PDGFB: variants seen among roughly 807,000 people sequenced by gnomAD.
PDGFB encodes the protein platelet-derived growth factor subunit B.
In PDGFB, 6 loss-of-function variants were observed where a neutral mutation model predicts 29.0. The observed-to-expected ratio is 0.21, with a 90% CI of 0.11 to 0.41. PDGFB has a LOEUF of 0.41. PDGFB is among the 10% of genes least tolerant of loss of function. PDGFB has a pLI of 1.00. For missense variants in PDGFB, 299 were observed against 341.8 expected (o/e 0.87, Z 0.99); for synonymous variants, 144 against 140.8 (o/e 1.02, Z -0.16).
At chr22:39,229,215 C>T (rs889667520) in intron 5 of PDGFB, among the ~76,000 whole-genome samples, 4 of 151,926 alleles carry the variant, frequency 2.6e-5, no homozygotes, top group African/African-American at 7.3e-5. Flanking sequence ...GAGGCAGGGT[C>T]TTGCTCTGTT....
chr22:39,224,431 T>C lies in PDGFB; in HGVS notation c.*911A>G, dbSNP rs942701938. The C allele has an allele frequency of 5.9e-5, 9 of 152,760 alleles. No homozygotes were observed. Among genetic ancestry groups the C allele is most frequent in the African/African-American group, 2.2e-4 (9 of 41,556 alleles). 9.5% of individuals were successfully genotyped at this position (152,760 alleles called of 1,614,324 possible). ...TCCCTTGCTGCCCTGGCCTCTAGTC[T>C]TCTGCCCTAGAGAGGAGTGACTGGG... On this transcript the variant is annotated 3_prime_UTR_variant, in exon 7 of 7. Transcript: ENST00000331163.
At chr22:39,230,428 C>A in intron 4 of PDGFB, among the ~76,000 whole-genome samples, 200 bp from the exon 5 acceptor site, 1 of 152,240 alleles carries the variant, frequency 6.6e-6, no homozygotes, top group African/African-American at 2.4e-5. Context: ...GCTTTTCCAT[C>A]AAAACAAGCC....
In PDGFB at chr22:39,230,086, C is replaced by G. The variant is rs748590340; in HGVS notation, c.599G>C (p.Arg200Pro). Residue 200 changes from arginine to proline, a missense_variant and splice_region_variant, in exon 5 of 7, where the codon CGA (arginine) becomes CCA (proline). By Grantham distance (103) the Arg-to-Pro change is moderately radical. Coordinates refer to ENST00000331163, the MANE Select transcript of PDGFB (RefSeq NM_002608.4). ...TRSPGGSQEQ[R>P]AKTPQTRVTI... is the part of the protein sequence containing the mutation. ...GCTGAGCCTGGAAAGGTGGTTACCT[C>G]GCTGCTCCTGGGAACCCCCCGGGCT... is the stretch of plus-strand genomic sequence containing the variant. 1 of 1,613,558 alleles carries G rather than the reference C, an allele frequency of 6.2e-7. No homozygotes were observed. The highest frequency in any genetic ancestry group is 1.3e-5 in the African/African-American group (1 of 75,042).
intron 5 of PDGFB, among the ~76,000 whole-genome samples, chr22:39,227,529 C>T (rs1163903659): frequency 6.6e-6 from 1 of 152,216 alleles, no homozygotes; most frequent in Non-Finnish European, 1.5e-5. Flanking sequence ...CATTTCCCTT[C>T]ACGGCAGGTG....
At chr22:39,236,600 C>G (rs1195916170) in intron 1 of PDGFB, among the ~76,000 whole-genome samples, 1 of 152,222 alleles carries the variant, frequency 6.6e-6, no homozygotes, top group Non-Finnish European at 1.5e-5. Context: ...AACACTTCAA[C>G]AGGCCTCATT....
chr22:39,231,134 C>T lies in PDGFB; in HGVS notation c.456+488G>A, dbSNP rs1206829589. 6.6e-6 allele frequency among the ~76,000 whole-genome samples: 1 copy of T among 152,210 alleles called. No individual in the cohort carries two copies. The highest frequency in any genetic ancestry group is 2.4e-5 in the African/African-American group (1 of 41,450). On this transcript the variant is annotated intron_variant, in intron 4 of 6. Coordinates refer to ENST00000331163, the MANE Select transcript of PDGFB (RefSeq NM_002608.4). This position sits in a 1 kb window ranked among gnomAD's most constrained non-coding sequence, Gnocchi z 4.3. ...CTCTGCACTCTCTTTATTAAAGACA[C>T]AGCTTGTCAAAGAGAGACAAGCAGG... is the stretch of plus-strand genomic sequence containing the variant.
chr22:39,243,258 C>CTCTCCG lies in PDGFB; in HGVS notation c.63+642_63+643insCGGAGA, dbSNP rs781597381. ...TCTCTCCGTCTCTCTCTCCGTCTCT[C>CTCTCCG]TCTCTCTCTCTCTCTTTCTCTCTCT... On this transcript the variant is annotated intron_variant, in intron 1 of 6. Coordinates refer to ENST00000331163, the MANE Select transcript of PDGFB (RefSeq NM_002608.4). The surrounding 1 kb of genome is among the most constrained non-coding windows in gnomAD (Gnocchi z 6.4). Among the ~76,000 whole-genome samples the CTCTCCG allele has an allele frequency of 3.4e-4, 11 of 32,742 alleles. No individual in the cohort carries two copies. Among genetic ancestry groups the CTCTCCG allele is most frequent in the East Asian group, 7.7e-3 (1 of 130 alleles). 21.5% of individuals were successfully genotyped at this position (32,742 alleles called of 152,430 possible).
At chr22:39,237,063 G>C (rs1420802100) in intron 1 of PDGFB, among the ~76,000 whole-genome samples, 1 of 152,076 alleles carries the variant, frequency 6.6e-6, no homozygotes, top group African/African-American at 2.4e-5. Flanking sequence ...GGCTCAGAGG[G>C]GGTCGGTGCA....
intron 2 of PDGFB, among the ~76,000 whole-genome samples, chr22:39,235,353 G>A (rs145862465): frequency 3.8e-3 from 572 of 152,306 alleles, no homozygotes; most frequent in Middle Eastern, 0.017. Flanking sequence ...TCTGGGGCAC[G>A]GGCAGGGCTG....
At chr22:39,228,893 A>AAAAAATATATATATAT (rs1184799325) in intron 5 of PDGFB, among the ~76,000 whole-genome samples, 14 of 132,520 alleles carry the variant, frequency 1.1e-4, no homozygotes, top group Non-Finnish European at 1.2e-4. Context: ...CCTCAAAAAA[A>AAAAAATATATATATAT]ATATATATAT....
Position 39,231,867 on chromosome 22 carries a change from T to C in PDGFB, c.251-40A>G, listed in dbSNP as rs1324187694. 1.3e-6 allele frequency: 2 copies of C among 1,562,924 alleles called. No homozygotes were observed. The highest frequency in any genetic ancestry group is 3.5e-5 in the Admixed American group (2 of 57,918). The stretch of plus-strand genomic sequence containing the variant: ...AACCTGGGTCAGGAGCGTAGGCCTG[T>C]CCAGAGTCCCCCCACTTGGCAGGGG... On this transcript the variant is annotated intron_variant, in intron 3 of 6. Coordinates refer to ENST00000331163, the MANE Select transcript of PDGFB (RefSeq NM_002608.4). The surrounding 1 kb of genome is among the most constrained non-coding windows in gnomAD (Gnocchi z 4.3).
intron 5 of PDGFB, among the ~76,000 whole-genome samples, chr22:39,228,871 A>G (rs1932228465): frequency 7.0e-6 from 1 of 142,264 alleles, no homozygotes; most frequent in South Asian, 2.2e-4. Context: ...ACTGCGTGAC[A>G]GGGTGAGACT....
Position 39,244,043 on chromosome 22 carries a change from G to C in PDGFB, c.-80C>G. 1 of 775,638 alleles carries C rather than the reference G, an allele frequency of 1.3e-6. No individual in the cohort carries two copies. The highest frequency in any genetic ancestry group is 2.0e-6 in the Non-Finnish European group (1 of 505,932). 48.0% of individuals were successfully genotyped at this position (775,638 alleles called of 1,614,324 possible). On this transcript the variant is annotated 5_prime_UTR_variant, in exon 1 of 7. Coordinates refer to ENST00000331163, the MANE Select transcript of PDGFB (RefSeq NM_002608.4). This position sits in a 1 kb window ranked among gnomAD's most constrained non-coding sequence, Gnocchi z 4.5. ...CCCCCGCGGCCAGGGTGGGGGGCTGGGGAGGGGGGTGGGCTCGGCTCGGGT... is the reference window on the plus strand; with the variant it reads ...CCCCCGCGGCCAGGGTGGGGGGCTGCGGAGGGGGGTGGGCTCGGCTCGGGT...
intron 4 of PDGFB, among the ~76,000 whole-genome samples, chr22:39,230,702 G>A (rs760686059): frequency 6.6e-6 from 1 of 152,268 alleles, no homozygotes; most frequent in Non-Finnish European, 1.5e-5. Flanking sequence ...AGTGGGCAGT[G>A]GGGTGGAGTG....
intron 1 of PDGFB, among the ~76,000 whole-genome samples, chr22:39,240,589 G>A (rs1340607491): frequency 2.0e-5 from 3 of 151,904 alleles, no homozygotes; most frequent in South Asian, 2.1e-4. Context: ...GACTCAGTGG[G>A]GCCATGGAGC....
At position 39,242,975 on chromosome 22, in the gene PDGFB, G is replaced by A. The variant is rs1032234115; in HGVS notation, c.63+926C>T. On this transcript the variant is annotated intron_variant, in intron 1 of 6. Transcript: ENST00000331163. The surrounding 1 kb of genome is among the most constrained non-coding windows in gnomAD (Gnocchi z 5.7). The stretch of plus-strand genomic sequence containing the variant: ...CTCACGGCTACGTGAGGCTGGGAGG[G>A]GTGGGGACGGCTCCGACCCCAGCGC... 4.3e-6 allele frequency: 1 copy of A among 233,186 alleles called. No individual in the cohort carries two copies. 14.4% of individuals were successfully genotyped at this position (233,186 alleles called of 1,614,324 possible).
rs2285099 is a variant in PDGFB, at chr22:39,226,053, C to T, written c.602-206G>A. The stretch of plus-strand genomic sequence containing the variant: ...ATGACTGAAACTCTCTGAGCCTTGG[C>T]GCCTCCATCTGTGGAATGGGGGTAA... On this transcript the variant is annotated intron_variant, in intron 5 of 6. Coordinates refer to ENST00000331163, the MANE Select transcript of PDGFB (RefSeq NM_002608.4). Among the ~76,000 whole-genome samples the T allele has an allele frequency of 0.36, 54,367 of 152,000 alleles. 10,506 individuals are homozygous for T. The highest frequency in any genetic ancestry group is 0.48 in the Middle Eastern group (141 of 294).
chr22:39,240,772 A>G (rs1162629801), intron 1 of PDGFB: 26 of 1,503,224 alleles, frequency 1.7e-5, no homozygotes, highest in Non-Finnish European at 2.3e-5. Flanking sequence ...AAACAATGAA[A>G]TAAACCAGAA....
At chr22:39,225,391 AG>A in intron 6 of PDGFB, 78 bp from the exon 7 acceptor site, 1 of 232,454 alleles carries the variant, frequency 4.3e-6, no homozygotes, top group Non-Finnish European at 8.4e-6. Flanking sequence ...CCCCGATGCC[AG>A]GGGCAGGGAG....
Sources: gnomAD v4.1 joint callset for allele counts (sites outside exome capture counted in the v4.1 genomes callset) on GRCh38, gnomAD v4.1.1 for gene constraint, Gnocchi (gnomAD v3.1) non-coding constraint, MANE v1.5 for transcripts, NCBI Gene and HGNC (gene_info 2026-07-23, HGNC 2026-07-21) for gene names.